TTN: variants seen among roughly 807,000 people sequenced by gnomAD.
TTN encodes the protein titin, also known as connectin.
TTN carries 1,525 observed loss-of-function variants against 3,223.0 expected under a neutral mutation model. The ratio of observed to expected loss-of-function variants is 0.47; its 90% CI spans 0.45 to 0.49. The LOEUF (loss-of-function observed/expected upper bound fraction) is 0.49, where lower values mean the gene tolerates loss of function less well. Ranked by LOEUF, TTN falls within the 20% of genes least tolerant of loss-of-function variation. The probability of loss-of-function intolerance (pLI) is 0.00; values close to 1 mark genes in which losing one functional copy is unlikely to be tolerated. For missense variants in TTN, 40,786 were observed against 43,424.0 expected (o/e 0.94, Z 5.40); for synonymous variants, 14,094 against 15,161.0 (o/e 0.93, Z 5.17).
chr2:178,542,343 C>T lies in TTN; in HGVS notation c.97413G>A (p.Val32471=). Reference sequence around the variant, plus strand: ...AGCGGTTTGTTGCAGCCACACGGAACACATACTCATTTCCTTCGGTGAGTC... The same window carrying T: ...AGCGGTTTGTTGCAGCCACACGGAATACATACTCATTTCCTTCGGTGAGTC... ...FTRLTEGNEY[V]FRVAATNRFG... Residue 32471 remains valine, a synonymous_variant, in exon 349 of 363, where the codon GTG becomes GTA. Transcript: ENST00000589042. 1 of 1,613,444 alleles carries T rather than the reference C, an allele frequency of 6.2e-7. No individual in the cohort carries two copies. Among genetic ancestry groups the T allele is most frequent in the Non-Finnish European group, 8.5e-7 (1 of 1,179,650 alleles).
chr2:178,593,638 T>G lies in TTN; in HGVS notation c.58662A>C (p.Ile19554=). 6.2e-7 allele frequency: 1 copy of G among 1,613,100 alleles called. No individual in the cohort carries two copies. Among genetic ancestry groups the G allele is most frequent in the Non-Finnish European group, 8.5e-7 (1 of 1,179,564 alleles). ...TTATTCCATACAGATTTTCAGCATG[T>G]ATCCGGAAAATATAATCTTTTCCTT... The part of the protein sequence containing the change: ...LLEGKDYIFR[I]HAENLYGISD... Residue 19554 remains isoleucine, a synonymous_variant, in exon 298 of 363, where the codon ATA becomes ATC. Coordinates refer to ENST00000589042, the MANE Select transcript of TTN (RefSeq NM_001267550.2).
Position 178,636,431 on chromosome 2 carries a change from C to T in TTN, c.41296G>A (p.Glu13766Lys). The change falls in exon 225 of 363, where the codon GAA becomes AAA. Residue 13766 changes from glutamate (E) to lysine (K), a missense_variant. Transcript: ENST00000589042. This position sits in a 1 kb window ranked among gnomAD's most constrained non-coding sequence, Gnocchi z 4.3. ...YTCVLRLGNKEKTSTAKLVVE... is the reference protein window; with the variant it reads ...YTCVLRLGNKKKTSTAKLVVE... ...ACAAGTTTAGCCGTGGAGGTCTTTT[C>T]TTTGTTTCCCAAACGTAAAACACAG... 5 of 1,610,954 alleles carry T rather than the reference C, an allele frequency of 3.1e-6. No individual in the cohort carries two copies. The highest frequency in any genetic ancestry group is 4.2e-6 in the Non-Finnish European group (5 of 1,178,250).
chr2:178,664,411 C>A, intron 168 of TTN, 49 bp downstream of exon 168: 1 of 1,422,034 alleles, frequency 7.0e-7, no homozygotes, highest in South Asian at 1.2e-5. Flanking sequence ...GTGGTCCTTT[C>A]TATCGCCCCA....
In TTN at chr2:178,732,838, C is replaced by A. The variant is rs1437815361; in HGVS notation, c.16338G>T (p.Val5446=). Residue 5446 remains valine, a synonymous_variant, in exon 55 of 363, where the codon GTG becomes GTT. Coordinates refer to ENST00000589042, the MANE Select transcript of TTN (RefSeq NM_001267550.2). The part of the protein sequence containing the change: ...GSKDSSGALI[V]QEPPSFVTKP... ...AATGCAAAGTCTCCAGCCAACCTTG[C>A]ACAATCAGGGCTCCACTGCTGTCTT... is the stretch of plus-strand genomic sequence containing the variant. The A allele has an allele frequency of 2.5e-6, 4 of 1,607,570 alleles. No individual in the cohort carries two copies. The South Asian group carries it at 4.4e-5, about 18-fold the overall frequency.
chr2:178,802,343 T>C lies in TTN; in HGVS notation c.92-2A>G. 1 of 1,613,504 alleles carries C rather than the reference T, an allele frequency of 6.2e-7. No individual in the cohort carries two copies. Among genetic ancestry groups the C allele is most frequent in the Non-Finnish European group, 8.5e-7 (1 of 1,179,674 alleles). On this transcript the variant is annotated splice_acceptor_variant, in intron 2 of 362. Transcript: ENST00000589042. LOFTEE classifies it high-confidence loss of function. ...AGCTCACCTCAGGAACTGGAAAACC[T>C]GAAGAGCAAGAACAATTCACCTTTA...
chr2:178,709,855 C>T lies in TTN; in HGVS notation c.28464G>A (p.Glu9488=). The T allele has an allele frequency of 6.2e-7, 1 of 1,607,908 alleles. No homozygotes were observed. The highest frequency in any genetic ancestry group is 1.7e-5 in the Admixed American group (1 of 59,698). The change falls in exon 99 of 363, where the codon GAG becomes GAA. Residue 9488 remains glutamate (E), a splice_region_variant and synonymous_variant. Transcript: ENST00000589042. The part of the protein sequence containing the change: ...DSCTAQLNIK[E]RLIPPSFTKR... ...TAGTGAAACTTGGTGGGATGAGCCG[C>T]TCTATAAGAAATTGCAAGGATATAT...
rs899943543 is a variant in TTN at position 178,807,264 on chromosome 2, T to G, written c.-66A>C. 2 of 152,206 alleles carry G rather than the reference T, an allele frequency of 1.3e-5. No homozygotes were observed. The highest frequency in any genetic ancestry group is 2.9e-5 in the Non-Finnish European group (2 of 68,040). 9.4% of individuals were successfully genotyped at this position (152,206 alleles called of 1,614,324 possible). A position where few individuals can be genotyped will look rare whatever the true frequency, so the allele number is the denominator to read the frequency against. On this transcript the variant is annotated 5_prime_UTR_variant, in exon 1 of 363. Transcript: ENST00000589042. ...GTGGGACTAAGCCCAAGGTTGCTTC[T>G]GAAACGACGTCCTATGGAGAGTTGG...
rs776098295 is a variant in TTN, at chr2:178,591,537, AT to A, written c.60221-34del. 2.7e-5 allele frequency: 42 copies of A among 1,583,786 alleles called. No individual in the cohort carries two copies. The East Asian group carries it at 8.1e-4, about 30-fold the overall frequency. On this transcript the variant is annotated intron_variant, in intron 303 of 362. Coordinates refer to ENST00000589042, the MANE Select transcript of TTN (RefSeq NM_001267550.2). ...GTAAACATGAAAAAATTAGATTTTGATTTTCACCTATATGAATAATTTTAAA... is the reference window on the plus strand; with the variant it reads ...GTAAACATGAAAAAATTAGATTTTGATTTCACCTATATGAATAATTTTAAA...
At chr2:178,538,207 G>T in intron 354 of TTN, 2 of 472,686 alleles carry the variant, frequency 4.2e-6, no homozygotes, top group Non-Finnish European at 7.4e-6. Flanking sequence ...CTATAATTCT[G>T]TAGTATTCTT....
chr2:178,648,566 C>A (rs984808176), intron 213 of TTN, among the ~76,000 whole-genome samples: 1 of 151,960 alleles, frequency 6.6e-6, no homozygotes, highest in Admixed American at 6.6e-5. Flanking sequence ...CATATCACCA[C>A]CCCCAGCTAA....
intron 336 of TTN, 125 bp downstream of exon 336, chr2:178,550,842 A>C (rs975515908): frequency 1.2e-6 from 1 of 828,320 alleles, no homozygotes; most frequent in African/African-American, 1.7e-5. Context: ...AGAAAGACAT[A>C]ATTCATCCAC....
At position 178,576,173 on chromosome 2, in the gene TTN, T is replaced by C. The variant is rs756468956; in HGVS notation, c.69959A>G (p.Asn23320Ser). 4 of 1,612,992 alleles carry C rather than the reference T, an allele frequency of 2.5e-6. No individual in the cohort carries two copies. In the African/African-American group the frequency reaches 5.3e-5, roughly 22 times the overall value. ...CGCTGGCTCCCCAACACCTGCATCG[T>C]TGATGGCACTGATTCTGAAGTTGTA... ...EKYNFRISAI[N>S]DAGVGEPAVI... The change falls in exon 326 of 363, where the codon AAC becomes AGC. Residue 23320 changes from asparagine (N) to serine (S), a missense_variant. Physicochemically the swap from Asn to Ser is conservative, Grantham distance 46. Coordinates refer to ENST00000589042, the MANE Select transcript of TTN (RefSeq NM_001267550.2). This position sits in a 1 kb window ranked among gnomAD's most constrained non-coding sequence, Gnocchi z 4.3.
chr2:178,744,445 C>G (rs2083077928), intron 47 of TTN: 1 of 923,288 alleles, frequency 1.1e-6, no homozygotes, highest in Non-Finnish European at 1.3e-6. Context: ...AGACTTGGGT[C>G]CACATTAGTA....
At chr2:178,675,419 C>T in intron 149 of TTN, 1 of 378,642 alleles carries the variant, frequency 2.6e-6, no homozygotes, top group African/African-American at 2.1e-5. Flanking sequence ...GGACTAGTTC[C>T]TTAGTTATTT....
intron 245 of TTN, 42 bp from the exon 246 acceptor site, chr2:178,621,410 T>A (rs1399038106): frequency 1.2e-6 from 2 of 1,607,408 alleles, no homozygotes; most frequent in Admixed American, 1.7e-5. Context: ...CATATGTCTT[T>A]GTACTTTAAA....
chr2:178,757,227 A>ATACTGCACTTGCTTTAAGTACAGTAAG (rs1553968975), intron 45 of TTN, among the ~76,000 whole-genome samples: 4 of 150,194 alleles, frequency 2.7e-5, no homozygotes, highest in South Asian at 2.1e-4. Context: ...ACAGTAAGTA[A>ATACTGCACTTGCTTTAAGTACAGTAAG]TAATCAGCAA....
At chr2:178,745,693 ATGGAACCCT>A (rs760957202) in intron 47 of TTN, 10 of 1,611,908 alleles carry the variant, frequency 6.2e-6, no homozygotes, top group Non-Finnish European at 8.5e-6. Flanking sequence ...TAAACAGGTT[ATGGAACCCT>A]GTGCCACTTT....
intron 34 of TTN, 116 bp from the exon 35 acceptor site, chr2:178,770,791 A>G: frequency 7.7e-7 from 1 of 1,295,288 alleles, no homozygotes; most frequent in Non-Finnish European, 1.1e-6. Context: ...CAAACATTTT[A>G]CAGTTATGCA....
In TTN at chr2:178,757,561, T is replaced by G. The variant is rs748958021; in HGVS notation, c.10659A>C (p.Thr3553=). The G allele has an allele frequency of 1.9e-6, 3 of 1,584,680 alleles. No homozygotes were observed. Among genetic ancestry groups the G allele is most frequent in the Admixed American group, 3.5e-5 (2 of 57,720 alleles). ...CTTTACCTTTTGGAGTCACTGTGAG[T>G]GTAGCTGCACAAGTGGCTTCCCCAG... ...NSAGEATCAA[T]LTVTPKVQAL... The change falls in exon 45 of 363, where the codon ACA becomes ACC. Residue 3553 remains threonine, a synonymous_variant. Coordinates refer to ENST00000589042, the MANE Select transcript of TTN (RefSeq NM_001267550.2).
Sources: allele counts gnomAD v4.1 joint callset (sites outside exome capture counted in the v4.1 genomes callset), GRCh38; gene constraint gnomAD v4.1.1; non-coding constraint Gnocchi (gnomAD v3.1); transcripts MANE v1.5; gene names NCBI Gene and HGNC (gene_info 2026-07-23, HGNC 2026-07-21).